LEKR1: variants seen among roughly 807,000 people sequenced by gnomAD.
LEKR1 encodes protein LEKR1.
LEKR1 carries 59 observed loss-of-function variants against 72.4 expected under a neutral mutation model. That is an observed-to-expected ratio of 0.82 (90% CI 0.66 to 1.01). LEKR1 has a LOEUF of 1.01. LEKR1 is among the 50% of genes least tolerant of loss of function. LEKR1 has a pLI of 0.00. For synonymous variants in LEKR1, 257 were observed against 263.2 expected (o/e 0.98, Z 0.23); for missense variants, 728 against 759.2 (o/e 0.96, Z 0.48).
chr3:156,854,256 G>A lies in LEKR1; in HGVS notation c.263+1274G>A, dbSNP rs189591909. ...CCTTCCAGGTTCAAGCAATTTTCCT[G>A]CGTCAGCCTCACAAGTAGCTGGGAT... On this transcript the variant is annotated intron_variant, in intron 3 of 12. Transcript: ENST00000356539. Among the ~76,000 whole-genome samples the A allele has an allele frequency of 7.0e-4, 100 of 143,212 alleles. 2 individuals carry two copies. The highest frequency in any genetic ancestry group is 5.1e-3 in the East Asian group (25 of 4,906). The allele number at this position is 143,212 out of a possible 152,430, so 94.0% of individuals were successfully genotyped here. A position where few individuals can be genotyped will look rare whatever the true frequency, so the allele number is the denominator to read the frequency against.
chr3:156,937,771 G>A (rs531387543), intron 5 of LEKR1, among the ~76,000 whole-genome samples: 1 of 152,254 alleles, frequency 6.6e-6, no homozygotes, highest in South Asian at 2.1e-4. Context: ...CAACCCAAAT[G>A]TCCTTCAATG....
intron 3 of LEKR1, among the ~76,000 whole-genome samples, chr3:156,893,906 C>G (rs933451168): frequency 7.9e-5 from 12 of 152,162 alleles, no homozygotes; most frequent in African/African-American, 2.7e-4. Context: ...CCCAACTACC[C>G]CTTCCAAGTT....
intron 3 of LEKR1, among the ~76,000 whole-genome samples, chr3:156,903,847 C>G (rs1485286666): frequency 6.6e-6 from 1 of 152,174 alleles, no homozygotes; most frequent in Non-Finnish European, 1.5e-5. Context: ...TACAGAAGAG[C>G]TCTGATTGAC....
chr3:156,873,120 A>G (rs1718149640), intron 3 of LEKR1, among the ~76,000 whole-genome samples: 1 of 151,964 alleles, frequency 6.6e-6, no homozygotes. Flanking sequence ...GTGTTGGTTT[A>G]GAATTGTTAT....
intron 3 of LEKR1, among the ~76,000 whole-genome samples, chr3:156,866,121 T>G (rs1226353429): frequency 6.6e-6 from 1 of 152,088 alleles, no homozygotes; most frequent in African/African-American, 2.4e-5. Flanking sequence ...TTGAATTAAT[T>G]CATTTATGAG....
At chr3:156,946,988 G>A (rs1056555236) in intron 6 of LEKR1, among the ~76,000 whole-genome samples, 33 of 151,052 alleles carry the variant, frequency 2.2e-4, no homozygotes, top group African/African-American at 8.0e-4. Flanking sequence ...ATGTCTGATT[G>A]TATTTATCTG....
intron 3 of LEKR1, among the ~76,000 whole-genome samples, chr3:156,907,150 A>T (rs1722607375): frequency 6.6e-6 from 1 of 152,106 alleles, no homozygotes; most frequent in Non-Finnish European, 1.5e-5. Flanking sequence ...AATCTAAATA[A>T]TGTAGGAAAG....
chr3:156,990,210 C>G (rs186599341), intron 7 of LEKR1, among the ~76,000 whole-genome samples: 6 of 152,140 alleles, frequency 3.9e-5, no homozygotes, highest in Admixed American at 3.9e-4. Context: ...TGATTCCTCT[C>G]TATTAGATTA....
At chr3:157,022,122 A>C (rs9880927) in intron 10 of LEKR1, among the ~76,000 whole-genome samples, 115,607 of 151,938 alleles carry the variant, frequency 0.76, 44,205 homozygotes, top group East Asian at 0.94. Context: ...GCAAAGCGAG[A>C]TGGAATCTAG....
chr3:156,863,944 A>G (rs1717041809), intron 3 of LEKR1, among the ~76,000 whole-genome samples: 1 of 152,062 alleles, frequency 6.6e-6, no homozygotes, highest in African/African-American at 2.4e-5. Context: ...TTGAGTTGAC[A>G]GAACTGTTAG....
intron 2 of LEKR1, among the ~76,000 whole-genome samples, chr3:156,845,563 A>T (rs1451424500): frequency 1.3e-5 from 2 of 151,922 alleles, no homozygotes; most frequent in East Asian, 3.8e-4. Flanking sequence ...ATGGATATCC[A>T]ATTGTACCAG....
rs1349837906 is a variant in LEKR1 at position 156,926,083 on chromosome 3, TG to T, written c.384-1343del. On this transcript the variant is annotated intron_variant, in intron 4 of 12. Transcript: ENST00000356539. ...AGAAAGATAAATTTTTTAAAGTTCT[TG>T]GGTTATTTGATAATCTAATGAAAGG... is the stretch of plus-strand genomic sequence containing the variant. Among the ~76,000 whole-genome samples the T allele has an allele frequency of 7.9e-5, 12 of 152,190 alleles. No individual in the cohort carries two copies. In the East Asian group the frequency reaches 1.7e-3, roughly 22 times the overall value.
intron 3 of LEKR1, among the ~76,000 whole-genome samples, chr3:156,864,330 C>T (rs1337884060): frequency 1.3e-5 from 2 of 152,032 alleles, no homozygotes; most frequent in Admixed American, 1.3e-4. Flanking sequence ...ATGTGGATGA[C>T]TCCAGTTAAC....
chr3:156,968,054 C>T (rs926831174), intron 6 of LEKR1, among the ~76,000 whole-genome samples: 21 of 152,194 alleles, frequency 1.4e-4, no homozygotes, highest in African/African-American at 4.8e-4. Context: ...GAAATAAAAT[C>T]CTTTACAGAC....
chr3:156,987,665 G>A (rs1447223760), intron 7 of LEKR1, among the ~76,000 whole-genome samples: 1 of 151,992 alleles, frequency 6.6e-6, no homozygotes, highest in African/African-American at 2.4e-5. Context: ...GAATAATAAA[G>A]TCCACATTTC....
chr3:156,979,622 T>G (rs2107999177), intron 7 of LEKR1: 1 of 158,754 alleles, frequency 6.3e-6, no homozygotes, highest in African/African-American at 2.4e-5. Flanking sequence ...CTTTGTTTCT[T>G]TATTATCTCT....
chr3:156,841,435 A>T (rs1184146986), intron 2 of LEKR1, among the ~76,000 whole-genome samples: 1 of 152,222 alleles, frequency 6.6e-6, no homozygotes, highest in African/African-American at 2.4e-5. Flanking sequence ...GCATTTCATA[A>T]ATCTGCAGAT....
rs374465118 is a variant in LEKR1 at position 156,864,186 on chromosome 3, CTCTT to C, written c.263+11210_263+11213del. 7.0e-4 allele frequency among the ~76,000 whole-genome samples: 107 copies of C among 152,122 alleles called. 1 individual carries two copies. The highest frequency in any genetic ancestry group is 2.5e-3 in the African/African-American group (102 of 41,520). On this transcript the variant is annotated intron_variant, in intron 3 of 12. Coordinates refer to ENST00000356539, the MANE Select transcript of LEKR1 (RefSeq NM_001004316.3). ...AAGTCTGCTGATGCCTCTACCTTCT[CTCTT>C]TCTTTTTCTGTTGTCACTTTCTTTC...
At chr3:156,912,065 C>CT (rs1723166876) in intron 3 of LEKR1, among the ~76,000 whole-genome samples, 2 of 151,656 alleles carry the variant, frequency 1.3e-5, no homozygotes, top group Non-Finnish European at 2.9e-5. Context: ...TGTTAAATTG[C>CT]TTTCCTGAAA....
Sources: allele counts gnomAD v4.1 joint callset (sites outside exome capture counted in the v4.1 genomes callset), GRCh38; gene constraint gnomAD v4.1.1; transcripts MANE v1.5; gene names NCBI Gene and HGNC (gene_info 2026-07-23, HGNC 2026-07-21).